Variants in USH2A observed in about 807,000 individuals in gnomAD.
The protein encoded by USH2A is usherin.
A neutral mutation model predicts 538.9 loss-of-function variants in USH2A; 443 were observed. That is an observed-to-expected ratio of 0.82 (90% CI 0.76 to 0.89). The LOEUF is 0.89. Ranked by LOEUF, USH2A falls within the 40% of genes least tolerant of loss-of-function variation. USH2A has a pLI of 0.00. For missense variants in USH2A, 6,633 were observed against 6,324.8 expected (o/e 1.05, Z -1.65); for synonymous variants, 2,413 against 2,273.5 (o/e 1.06, Z -1.75).
At chr1:216,329,430 C>T (rs1159726055) in intron 4 of USH2A, among the ~76,000 whole-genome samples, 1 of 151,998 alleles carries the variant, frequency 6.6e-6, no homozygotes, top group African/African-American at 2.4e-5. Context: ...CCATTGTGTG[C>T]CTATGCTTTT....
At chr1:215,657,932 T>C (rs1325635623) in intron 64 of USH2A, among the ~76,000 whole-genome samples, 1 of 149,548 alleles carries the variant, frequency 6.7e-6, no homozygotes, top group Non-Finnish European at 1.5e-5. Flanking sequence ...CCCTGATTTT[T>C]TTTTTTTTTT....
intron 20 of USH2A, among the ~76,000 whole-genome samples, chr1:216,176,325 T>C (rs2102642124): frequency 6.6e-6 from 1 of 152,168 alleles, no homozygotes; most frequent in African/African-American, 2.4e-5. Flanking sequence ...AGCCTGGAAC[T>C]CCTGGGCTCA....
intron 30 of USH2A, among the ~76,000 whole-genome samples, chr1:216,055,551 C>T (rs2030948367): frequency 6.6e-6 from 1 of 152,128 alleles, no homozygotes; most frequent in African/African-American, 2.4e-5. Flanking sequence ...CTTAAAGGAA[C>T]CTCTGAAAAT....
At chr1:216,130,263 G>A (rs2102601631) in intron 21 of USH2A, among the ~76,000 whole-genome samples, 2 of 151,948 alleles carry the variant, frequency 1.3e-5, no homozygotes, top group Middle Eastern at 6.8e-3. Context: ...CATCACCCAA[G>A]CAGTATAAAC....
intron 37 of USH2A, among the ~76,000 whole-genome samples, chr1:215,956,208 AC>A (rs1219202992): frequency 1.3e-5 from 2 of 152,174 alleles, no homozygotes; most frequent in African/African-American, 4.8e-5. Context: ...TCTTGCCACA[AC>A]AAAGCATGCA....
intron 12 of USH2A, among the ~76,000 whole-genome samples, chr1:216,248,675 T>A (rs1212615875): frequency 6.6e-6 from 1 of 152,096 alleles, no homozygotes; most frequent in African/African-American, 2.4e-5. Context: ...TGCTGCAAAT[T>A]TTAAAAATAA....
At chr1:215,884,184 A>G (rs1430718668) in intron 41 of USH2A, among the ~76,000 whole-genome samples, 1 of 152,250 alleles carries the variant, frequency 6.6e-6, no homozygotes, top group Non-Finnish European at 1.5e-5. Flanking sequence ...ATGTATACCT[A>G]TGTAAGAAAC....
chr1:216,080,001 T>G (rs2031883130), intron 26 of USH2A: 1 of 152,020 alleles, frequency 6.6e-6, no homozygotes, highest in African/African-American at 2.4e-5. Flanking sequence ...TGAAAAGCAT[T>G]TGAAAGAAAT....
chr1:216,094,733 T>C (rs1189730728), intron 22 of USH2A, among the ~76,000 whole-genome samples: 1 of 152,180 alleles, frequency 6.6e-6, no homozygotes, highest in Non-Finnish European at 1.5e-5. Flanking sequence ...AACAACCATC[T>C]TTCTTTCATG....
rs1382617047 is a variant in USH2A at position 215,675,030 on chromosome 1, A to G, written c.12881T>C (p.Ile4294Thr). Residue 4294 changes from isoleucine (I) to threonine (T), a missense_variant, in exon 63 of 72, where the codon ATT becomes ACT. Physicochemically the swap from Ile to Thr is moderately conservative, Grantham distance 89. Coordinates refer to ENST00000307340, the MANE Select transcript of USH2A (RefSeq NM_206933.4). ...CCTTTGAAGCCTATAGGACTGGATA[A>G]TACCATTAGACTGTTCTGGTGGGAT... ...SWIPPEQSNG[I>T]IQSYRLQRNE... 1 of 1,614,210 alleles carries G rather than the reference A, an allele frequency of 6.2e-7. No individual in the cohort carries two copies. The highest frequency in any genetic ancestry group is 1.1e-5 in the South Asian group (1 of 91,084).
At chr1:216,192,510 G>A (rs1465194706) in intron 19 of USH2A, among the ~76,000 whole-genome samples, 1 of 151,476 alleles carries the variant, frequency 6.6e-6, no homozygotes, top group Non-Finnish European at 1.5e-5. Flanking sequence ...TGGCAAAGAT[G>A]GCAAAACCCT....
chr1:215,849,081 A>T lies in USH2A; in HGVS notation c.8846-3048T>A, dbSNP rs534359702. Among the ~76,000 whole-genome samples, 4 of 152,326 alleles carry T rather than the reference A, an allele frequency of 2.6e-5. No homozygotes were observed. In the South Asian group the frequency reaches 6.2e-4, roughly 24 times the overall value. ...ATTTCACCCTCCCTGTCTATTGAGAAAAGCTGGGTCTGAATGTATCTCTCC... is the reference window on the plus strand; with the variant it reads ...ATTTCACCCTCCCTGTCTATTGAGATAAGCTGGGTCTGAATGTATCTCTCC... On this transcript the variant is annotated intron_variant, in intron 44 of 71. Coordinates refer to ENST00000307340, the MANE Select transcript of USH2A (RefSeq NM_206933.4).
At chr1:216,089,974 C>A (rs968268506) in intron 22 of USH2A, among the ~76,000 whole-genome samples, 4 of 151,912 alleles carry the variant, frequency 2.6e-5, no homozygotes, top group African/African-American at 4.8e-5. Flanking sequence ...GATATCCCAA[C>A]TTTGTCACCA....
chr1:216,017,885 T>C (rs1399521690), intron 32 of USH2A, among the ~76,000 whole-genome samples: 2 of 152,190 alleles, frequency 1.3e-5, no homozygotes, highest in Admixed American at 6.5e-5. Flanking sequence ...ATACTACGCC[T>C]TATATAGCAT....
At chr1:215,968,298 A>C (rs2102456467) in intron 36 of USH2A, among the ~76,000 whole-genome samples, 1 of 152,238 alleles carries the variant, frequency 6.6e-6, no homozygotes, top group East Asian at 1.9e-4. Context: ...TTGAGTAAGA[A>C]CTGAAAAAAA....
chr1:215,876,116 A>AT, intron 43 of USH2A, among the ~76,000 whole-genome samples: 1 of 152,118 alleles, frequency 6.6e-6, no homozygotes, highest in Admixed American at 6.6e-5. Context: ...ATAAGCAAAA[A>AT]TAAATGAATT....
At chr1:215,740,046 A>ATGTC (rs1558076911) in intron 60 of USH2A, among the ~76,000 whole-genome samples, 1 of 152,206 alleles carries the variant, frequency 6.6e-6, no homozygotes, top group Non-Finnish European at 1.5e-5. Context: ...CAAGTCCTGT[A>ATGTC]TGTCTACCAA....
At chr1:215,874,970 C>A (rs893904743) in intron 43 of USH2A, among the ~76,000 whole-genome samples, 13 of 152,152 alleles carry the variant, frequency 8.5e-5, no homozygotes, top group African/African-American at 3.1e-4. Flanking sequence ...CAGGGGTGAA[C>A]CAACACATGA....
At position 216,175,405 on chromosome 1, in the gene USH2A, C is replaced by A. The variant is rs869312179; in HGVS notation, c.4474G>T (p.Glu1492Ter). Residue 1492 changes from glutamate (E) to a stop codon, truncating the protein, a stop_gained, in exon 21 of 72, where the codon GAA (glutamate) becomes TAA (stop). Transcript: ENST00000307340. LOFTEE classifies it high-confidence loss of function. ...TIHLRWFPPE[E>*]LNGPSPIYQL... Reference sequence around the variant, plus strand: ...TATATAGGAGAGGGTCCATTCAGTTCTTCAGGTGGAAACCACCTAAGATGG... The same window carrying A: ...TATATAGGAGAGGGTCCATTCAGTTATTCAGGTGGAAACCACCTAAGATGG... The A allele has an allele frequency of 1.7e-5, 28 of 1,613,756 alleles. No homozygotes were observed. The highest frequency in any genetic ancestry group is 2.4e-5 in the Non-Finnish European group (28 of 1,179,872).
Sources: allele counts gnomAD v4.1 joint callset (sites outside exome capture counted in the v4.1 genomes callset), GRCh38; gene constraint gnomAD v4.1.1; transcripts MANE v1.5; gene names NCBI Gene and HGNC (gene_info 2026-07-23, HGNC 2026-07-21).